HDX: variants seen among roughly 807,000 people sequenced by gnomAD.
HDX encodes the protein chromosome X open reading frame 43.
In HDX, 19 loss-of-function variants were observed where a neutral mutation model predicts 45.2. The observed-to-expected ratio is 0.42, with a 90% CI of 0.29 to 0.62. The LOEUF is 0.62. Ranked by LOEUF, HDX falls within the 20% of genes least tolerant of loss-of-function variation. The pLI is 0.20. For synonymous variants in HDX, 188 were observed against 172.8 expected, an observed-to-expected ratio of 1.09 and a Z score of -0.69; for missense variants, 532 against 493.9, an observed-to-expected ratio of 1.08 and a Z score of -0.73.
chrX:84,459,492 A>G (rs1416080316), intron 4 of HDX, among the ~76,000 whole-genome samples: 2 of 111,220 alleles, frequency 1.8e-5, no homozygotes, highest in African/African-American at 6.5e-5. Flanking sequence ...AAAATTTCTC[A>G]AAACAAATGA....
intron 9 of HDX, among the ~76,000 whole-genome samples, chrX:84,330,463 G>A (rs1035725738): frequency 1.8e-5 from 2 of 111,419 alleles, no homozygotes; most frequent in Non-Finnish European, 3.8e-5. Flanking sequence ...TATTTTATCA[G>A]CTTAGTTAAA....
intron 5 of HDX, among the ~76,000 whole-genome samples, chrX:84,404,458 AT>A (rs748589085): frequency 9.0e-6 from 1 of 111,630 alleles, no homozygotes; most frequent in South Asian, 3.7e-4. Flanking sequence ...AATTGAATTA[AT>A]TCATAACATC....
intron 5 of HDX, among the ~76,000 whole-genome samples, chrX:84,383,599 A>C (rs1348186015): frequency 9.0e-6 from 1 of 111,424 alleles, no homozygotes; most frequent in Non-Finnish European, 1.9e-5. Flanking sequence ...TTCAGCTTTC[A>C]TTTTAGATAC....
At chrX:84,418,744 A>G (rs1443232154) in intron 5 of HDX, among the ~76,000 whole-genome samples, 1 of 111,212 alleles carries the variant, frequency 9.0e-6, no homozygotes, top group Admixed American at 9.6e-5. Flanking sequence ...CTAAGACACA[A>G]TGGACCCTTG....
At chrX:84,394,542 G>A (rs1253891685) in intron 5 of HDX, among the ~76,000 whole-genome samples, 1 of 111,601 alleles carries the variant, frequency 9.0e-6, no homozygotes, top group Non-Finnish European at 1.9e-5. Flanking sequence ...TCAGTCCAAT[G>A]TTTCTTTGCT....
chrX:84,352,691 C>A (rs1254604629), intron 6 of HDX, among the ~76,000 whole-genome samples: 1 of 111,423 alleles, frequency 9.0e-6, no homozygotes, highest in Non-Finnish European at 1.9e-5. Flanking sequence ...GACTCTAGCA[C>A]CCAATTTCTC....
chrX:84,452,923 G>A lies in HDX; in HGVS notation c.1252-12338C>T, dbSNP rs921792223. Among the ~76,000 whole-genome samples the A allele has an allele frequency of 3.6e-5, 4 of 111,767 alleles. 1 individual carries two copies. In the Admixed American group the frequency reaches 3.8e-4, roughly 11 times the overall value. ...CCATTAGTGTAGACAAAGATTTTAT[G>A]GCTAAGACCTCAAAAGAAAAGGCAA... is the stretch of plus-strand genomic sequence containing the variant. On this transcript the variant is annotated intron_variant, in intron 4 of 10. Transcript: ENST00000373177.
At chrX:84,395,171 T>C (rs1422797789) in intron 5 of HDX, among the ~76,000 whole-genome samples, 1 of 111,104 alleles carries the variant, frequency 9.0e-6, no homozygotes, top group Non-Finnish European at 1.9e-5. Flanking sequence ...CTAGTGGTTT[T>C]ATATGTTTGT....
chrX:84,400,142 C>T (rs929248982), intron 5 of HDX, among the ~76,000 whole-genome samples: 2 of 109,478 alleles, frequency 1.8e-5, no homozygotes, highest in Admixed American at 9.9e-5. Context: ...CTTTGAAAAC[C>T]GGTACAGGAC....
intron 10 of HDX, among the ~76,000 whole-genome samples, chrX:84,325,729 A>G (rs1387325972): frequency 1.8e-5 from 2 of 111,852 alleles, no homozygotes; most frequent in Non-Finnish European, 3.8e-5. Flanking sequence ...TGAGCAACAC[A>G]TTACAGAATA....
intron 5 of HDX, among the ~76,000 whole-genome samples, chrX:84,401,927 A>G (rs1444592328): frequency 1.8e-5 from 2 of 112,049 alleles, no homozygotes; most frequent in South Asian, 7.5e-4. Flanking sequence ...CATCACCCTG[A>G]GCAACTAACA....
rs770844062 is a variant in HDX, at chrX:84,411,283, T to A, written c.1305+29249A>T. On this transcript the variant is annotated intron_variant, in intron 5 of 10. Coordinates refer to ENST00000373177, the MANE Select transcript of HDX (RefSeq NM_001177479.2). ...TTAATTTGAGATCTTTCTAACTTCTTCATGTGGGCTTTTTGTGCTATAAAC... is the reference window on the plus strand; with the variant it reads ...TTAATTTGAGATCTTTCTAACTTCTACATGTGGGCTTTTTGTGCTATAAAC... 1.7e-4 allele frequency among the ~76,000 whole-genome samples: 19 copies of A among 111,545 alleles called. 1 individual carries two copies. The South Asian group carries it at 7.1e-3, about 42-fold the overall frequency.
At position 84,497,611 on chromosome X, in the gene HDX, GA is replaced by G. The variant is rs200150283; in HGVS notation, c.-110+4730del. Among the ~76,000 whole-genome samples, 12 of 104,832 alleles carry G rather than the reference GA, an allele frequency of 1.1e-4. No individual in the cohort carries two copies. The East Asian group carries it at 2.4e-3, about 21-fold the overall frequency. 91.0% of individuals were successfully genotyped at this position (104,832 alleles called of 115,157 possible). ...TGTAAAAAATGTCATCTCCACTAAG[GA>G]AAAAAAAAGGAAAATATTACAGGTA... On this transcript the variant is annotated intron_variant, in intron 1 of 10. Transcript: ENST00000373177.
At chrX:84,405,664 A>ATGTGTG (rs35051495) in intron 5 of HDX, among the ~76,000 whole-genome samples, 3 of 87,290 alleles carry the variant, frequency 3.4e-5, no homozygotes, top group Non-Finnish European at 4.4e-5. Context: ...ATATATATAT[A>ATGTGTG]TGTGTGTGTG....
intron 5 of HDX, among the ~76,000 whole-genome samples, chrX:84,366,871 T>C (rs1014675481): frequency 8.9e-6 from 1 of 112,050 alleles, no homozygotes; most frequent in Non-Finnish European, 1.9e-5. Flanking sequence ...AAGACTTAAA[T>C]GTAAGACCTG....
intron 7 of HDX, among the ~76,000 whole-genome samples, chrX:84,340,406 A>G (rs917202080): frequency 9.0e-6 from 1 of 111,190 alleles, no homozygotes; most frequent in African/African-American, 3.3e-5. Flanking sequence ...CAGTAGCCCT[A>G]TTATAAGCAG....
intron 5 of HDX, among the ~76,000 whole-genome samples, chrX:84,393,479 C>T (rs935189924): frequency 2.7e-5 from 3 of 110,916 alleles, no homozygotes; most frequent in Non-Finnish European, 5.7e-5. Context: ...ATTGGTGTGT[C>T]GTTTTTTCTT....
chrX:84,345,744 TATC>T (rs1268825328), intron 6 of HDX, among the ~76,000 whole-genome samples: 1 of 111,739 alleles, frequency 8.9e-6, no homozygotes, highest in East Asian at 2.8e-4. Context: ...TTTACATTCT[TATC>T]AGCAATGCAT....
intron 9 of HDX, among the ~76,000 whole-genome samples, chrX:84,333,222 G>A (rs946723074): frequency 9.0e-6 from 1 of 111,063 alleles, no homozygotes; most frequent in Admixed American, 9.7e-5. Flanking sequence ...AAAATAATAT[G>A]TATAGCACCC....
Sources: gnomAD v4.1 joint callset for allele counts (sites outside exome capture counted in the v4.1 genomes callset) on GRCh38, gnomAD v4.1.1 for gene constraint, MANE v1.5 for transcripts, NCBI Gene and HGNC (gene_info 2026-07-23, HGNC 2026-07-21) for gene names.